SHISA9: variants seen among roughly 807,000 people sequenced by gnomAD.
The protein encoded by SHISA9 is protein shisa-9.
A neutral mutation model predicts 38.0 loss-of-function variants in SHISA9; 13 were observed. The ratio of observed to expected loss-of-function variants is 0.34; its 90% CI spans 0.22 to 0.54. The LOEUF (loss-of-function observed/expected upper bound fraction) is 0.54. Ranked by LOEUF, SHISA9 falls within the 20% of genes least tolerant of loss-of-function variation. The pLI is 0.91. For synonymous variants in SHISA9, 275 were observed against 242.0 expected, an observed-to-expected ratio of 1.14 and a Z score of -1.27; for missense variants, 538 against 575.8, an observed-to-expected ratio of 0.93 and a Z score of 0.67.
chr16:13,237,334 T>A lies in SHISA9; in HGVS notation c.*1925T>A, dbSNP rs1279510766. The A allele has an allele frequency of 6.6e-6, 1 of 152,070 alleles. No homozygotes were observed. Among genetic ancestry groups the A allele is most frequent in the Non-Finnish European group, 1.5e-5 (1 of 68,034 alleles). 9.4% of individuals were successfully genotyped at this position (152,070 alleles called of 1,614,324 possible). ...ATGGGGAATTGGGGTAGGTCAAGCT[T>A]TTTGAAACTGCAAAACCTCTACCTG... is the stretch of plus-strand genomic sequence containing the variant. On this transcript the variant is annotated 3_prime_UTR_variant, in exon 5 of 5. Coordinates refer to ENST00000558583, the MANE Select transcript of SHISA9 (RefSeq NM_001145204.3).
At chr16:12,945,620 T>G (rs1297286031) in intron 2 of SHISA9, among the ~76,000 whole-genome samples, 2 of 152,234 alleles carry the variant, frequency 1.3e-5, no homozygotes, top group African/African-American at 4.8e-5. Context: ...CACCACTTAC[T>G]AGTTATGTGG....
intron 2 of SHISA9, among the ~76,000 whole-genome samples, chr16:13,066,515 A>G: frequency 6.6e-6 from 1 of 152,208 alleles, no homozygotes; most frequent in East Asian, 1.9e-4. Flanking sequence ...TGGAGTGCCC[A>G]GTACGTGCTA....
chr16:13,054,813 C>A (rs1567196757), intron 2 of SHISA9, among the ~76,000 whole-genome samples: 1 of 152,208 alleles, frequency 6.6e-6, no homozygotes, highest in Non-Finnish European at 1.5e-5. Context: ...TGCCTTCCAG[C>A]CACACTGACT....
At chr16:12,965,193 C>G (rs146100777) in intron 2 of SHISA9, among the ~76,000 whole-genome samples, 112 of 152,134 alleles carry the variant, frequency 7.4e-4, no homozygotes, top group Admixed American at 1.5e-3. Flanking sequence ...AATATTACAG[C>G]CCTATTTGAA....
chr16:13,010,004 C>G (rs988353608), intron 2 of SHISA9, among the ~76,000 whole-genome samples: 2 of 151,938 alleles, frequency 1.3e-5, no homozygotes, highest in Non-Finnish European at 2.9e-5. Flanking sequence ...TAGAGAGATC[C>G]AGCTCTGCAA....
intron 2 of SHISA9, among the ~76,000 whole-genome samples, chr16:13,129,455 T>C (rs1353797839): frequency 6.6e-6 from 1 of 152,120 alleles, no homozygotes; most frequent in African/African-American, 2.4e-5. Flanking sequence ...ATGGGAGGGT[T>C]TTAGTAGACC....
chr16:13,252,870 T>C, the SHISA9 span, among the ~76,000 whole-genome samples: 1 of 152,176 alleles, frequency 6.6e-6, no homozygotes, highest in East Asian at 1.9e-4. Flanking sequence ...GGAAATACAG[T>C]TGACCCTTGA....
chr16:12,946,749 G>A (rs1229837246), intron 2 of SHISA9, among the ~76,000 whole-genome samples: 3 of 152,256 alleles, frequency 2.0e-5, no homozygotes, highest in African/African-American at 4.8e-5. Flanking sequence ...GGGGGCAGCT[G>A]TGAGCCATTA....
At chr16:13,254,975 C>T in the SHISA9 span, among the ~76,000 whole-genome samples, 1 of 152,164 alleles carries the variant, frequency 6.6e-6, no homozygotes, top group Non-Finnish European at 1.5e-5. Context: ...CCCCTCACCT[C>T]CCAGGAGGAG....
At chr16:13,295,591 C>T in the SHISA9 span, among the ~76,000 whole-genome samples, 2 of 152,150 alleles carry the variant, frequency 1.3e-5, no homozygotes, top group Non-Finnish European at 2.9e-5. Flanking sequence ...GTTTGCATAT[C>T]AGGCTCGAAA....
At chr16:12,991,118 T>C (rs963938468) in intron 2 of SHISA9, among the ~76,000 whole-genome samples, 1 of 152,204 alleles carries the variant, frequency 6.6e-6, no homozygotes, top group East Asian at 1.9e-4. Flanking sequence ...TTTTGATTAT[T>C]AAGGAGTTGA....
At chr16:13,269,729 G>C in the SHISA9 span, among the ~76,000 whole-genome samples, 1 of 152,200 alleles carries the variant, frequency 6.6e-6, no homozygotes, top group Non-Finnish European at 1.5e-5. Flanking sequence ...AGGTGGTATG[G>C]ATAAAGAGAA....
chr16:12,940,618 C>T (rs951077552), intron 2 of SHISA9, among the ~76,000 whole-genome samples: 2 of 152,176 alleles, frequency 1.3e-5, no homozygotes, highest in East Asian at 3.9e-4. Flanking sequence ...GTGCTCTCAC[C>T]ATTGCTCCAT....
At chr16:13,431,889 C>T in the SHISA9 span, among the ~76,000 whole-genome samples, 1,560 of 152,198 alleles carry the variant, frequency 0.01, 20 homozygotes, top group African/African-American at 0.036. Flanking sequence ...AGAGACACCT[C>T]ATCTCTACTA....
At chr16:13,456,663 G>T in the SHISA9 span, among the ~76,000 whole-genome samples, 1 of 152,318 alleles carries the variant, frequency 6.6e-6, no homozygotes, top group Non-Finnish European at 1.5e-5. Flanking sequence ...TGTGATTTAT[G>T]ATGGAGGCTT....
At chr16:13,537,448 G>GA in the SHISA9 span, among the ~76,000 whole-genome samples, 16 of 151,308 alleles carry the variant, frequency 1.1e-4, no homozygotes, top group Non-Finnish European at 2.2e-4. Context: ...AAGAAAGAAA[G>GA]AAAAAATTTT....
At chr16:13,371,682 A>T in the SHISA9 span, among the ~76,000 whole-genome samples, 97 of 152,354 alleles carry the variant, frequency 6.4e-4, 2 homozygotes, top group Non-Finnish European at 1.9e-4. Flanking sequence ...CTCACCTGAC[A>T]TCTGAATACT....
At chr16:13,490,246 T>C in the SHISA9 span, among the ~76,000 whole-genome samples, 1 of 152,164 alleles carries the variant, frequency 6.6e-6, no homozygotes, top group African/African-American at 2.4e-5. Context: ...CTGACTGGAA[T>C]GTTGGGTGTT....
chr16:13,490,617 G>A, the SHISA9 span, among the ~76,000 whole-genome samples: 14 of 152,178 alleles, frequency 9.2e-5, no homozygotes, highest in Admixed American at 5.9e-4. Context: ...TGGGTAAACT[G>A]AGTCTGAGTC....
Sources: gnomAD v4.1 joint callset for allele counts (sites outside exome capture counted in the v4.1 genomes callset) on GRCh38, gnomAD v4.1.1 for gene constraint, MANE v1.5 for transcripts, NCBI Gene and HGNC (gene_info 2026-07-23, HGNC 2026-07-21) for gene names.